CHKB: variants seen among roughly 807,000 people sequenced by gnomAD.
The protein encoded by CHKB is choline/ethanolamine kinase.
In CHKB, 45 loss-of-function variants were observed where a neutral mutation model predicts 57.3. The observed-to-expected ratio is 0.79, with a 90% confidence interval of 0.62 to 1.01. CHKB has a LOEUF of 1.01. Ranked by LOEUF, CHKB falls within the 50% of genes least tolerant of loss-of-function variation. CHKB has a pLI of 0.00. For synonymous variants in CHKB, 224 were observed against 201.8 expected (o/e 1.11, Z -0.93); for missense variants, 517 against 502.8 (o/e 1.03, Z -0.27).
Position 50,581,730 on chromosome 22 carries a change from G to A in CHKB, c.447+19C>T. 6.2e-7 allele frequency: 1 copy of A among 1,608,404 alleles called. No homozygotes were observed. The highest frequency in any genetic ancestry group is 8.5e-7 in the Non-Finnish European group (1 of 1,174,960). ...GGTGGAGGTGCCTTGGGGAGGAGAG[G>A]GTAGGACTGGGCCCGTACTGGGATG... is the stretch of plus-strand genomic sequence containing the variant. On this transcript the variant is annotated intron_variant, in intron 3 of 10. Coordinates refer to ENST00000406938, the MANE Select transcript of CHKB (RefSeq NM_005198.5).
chr22:50,579,900 G>C, intron 8 of CHKB, 70 bp from the exon 9 acceptor site: 1 of 1,595,620 alleles, frequency 6.3e-7, no homozygotes, highest in Admixed American at 1.7e-5. Flanking sequence ...ATCCTTTCCG[G>C]CCATTCCTTC....
intron 1 of CHKB, 80 bp from the exon 2 acceptor site, chr22:50,582,437 C>T: frequency 6.9e-7 from 1 of 1,448,062 alleles, no homozygotes; most frequent in African/African-American, 1.5e-5. Flanking sequence ...GCCAGGCCGG[C>T]CCCGCCCCGC....
chr22:50,581,893 G>C, intron 2 of CHKB, 31 bp from the exon 3 acceptor site: 2 of 1,590,864 alleles, frequency 1.3e-6, no homozygotes, highest in Non-Finnish European at 1.7e-6. Flanking sequence ...AAGGGGCCAA[G>C]GCAAAGTGGC....
At chr22:50,582,035 G>A (rs2070702218) in intron 2 of CHKB, 173 bp from the exon 3 acceptor site, 1 of 772,114 alleles carries the variant, frequency 1.3e-6, no homozygotes, top group Non-Finnish European at 2.3e-6. Flanking sequence ...TCACTATGTT[G>A]TCCAGGCTGG....
intron 3 of CHKB, 58 bp downstream of exon 3, chr22:50,581,691 G>A: frequency 6.3e-7 from 1 of 1,582,254 alleles, no homozygotes. Flanking sequence ...TTGGGCACTG[G>A]GGTAGGGTTA....
At position 50,579,117 on chromosome 22, in the gene CHKB, G is replaced by A. The variant is rs2070610578; in HGVS notation, c.*64C>T. On this transcript the variant is annotated 3_prime_UTR_variant, in exon 11 of 11. Coordinates refer to ENST00000406938, the MANE Select transcript of CHKB (RefSeq NM_005198.5). Reference sequence around the variant, plus strand: ...CAGTCGCCAGGGCCTTCTGCTCGTTGTTCCTCCCTCCAAGGTCCTGCCCTG... The same window carrying A: ...CAGTCGCCAGGGCCTTCTGCTCGTTATTCCTCCCTCCAAGGTCCTGCCCTG... 1 of 1,501,966 alleles carries A rather than the reference G, an allele frequency of 6.7e-7. No homozygotes were observed. Among genetic ancestry groups the A allele is most frequent in the Non-Finnish European group, 9.2e-7 (1 of 1,089,624 alleles). The allele number at this position is 1,501,966 out of a possible 1,614,324, so 93.0% of individuals were successfully genotyped here. A position where few individuals can be genotyped will look rare whatever the true frequency, so the allele number is the denominator to read the frequency against.
intron 7 of CHKB, 23 bp downstream of exon 7, chr22:50,580,167 G>A: frequency 1.9e-6 from 3 of 1,613,572 alleles, no homozygotes; most frequent in Non-Finnish European, 2.5e-6. Flanking sequence ...CAGATCTATG[G>A]GAAGCCATCT....
At chr22:50,579,387 A>C in intron 10 of CHKB, 39 bp downstream of exon 10, 1 of 1,598,102 alleles carries the variant, frequency 6.3e-7, no homozygotes, top group Non-Finnish European at 8.5e-7. Context: ...GCTGCTCCCC[A>C]GCCCCCCAGC....
Position 50,582,628 on chromosome 22 carries a change from A to G in CHKB, c.154T>C (p.Trp52Arg), listed in dbSNP as rs762788126. 6.2e-7 allele frequency: 1 copy of G among 1,611,438 alleles called. No individual in the cohort carries two copies. The change falls in exon 1 of 11, where the codon TGG becomes CGG. Residue 52 changes from tryptophan (W) to arginine (R), a missense_variant. Transcript: ENST00000406938. ...GCCCCGCCCAAGTACTCCCGGCACC[A>G]TTGGTAGGCTCGGCGCTCGGCGTCA... ...SRDAERRAYQ[W>R]CREYLGGAWR...
intron 2 of CHKB, 93 bp from the exon 3 acceptor site, chr22:50,581,955 G>A: frequency 2.7e-6 from 3 of 1,113,084 alleles, no homozygotes; most frequent in Non-Finnish European, 4.1e-6. Context: ...TGCGACTTCT[G>A]ATCCAATTGC....
At chr22:50,580,686 T>C in intron 4 of CHKB, 26 bp from the exon 5 acceptor site, 1 of 1,605,612 alleles carries the variant, frequency 6.2e-7, no homozygotes, top group South Asian at 1.1e-5. Context: ...TAGGATACAC[T>C]GGCTCTGCTA....
At chr22:50,582,460 C>G in intron 1 of CHKB, 98 bp downstream of exon 1, 1 of 1,472,030 alleles carries the variant, frequency 6.8e-7, no homozygotes, top group Non-Finnish European at 9.1e-7. Context: ...CAGGCGCGGG[C>G]GCAAGAGGGG....
At chr22:50,582,432 G>A in intron 1 of CHKB, 75 bp from the exon 2 acceptor site, 3 of 1,454,220 alleles carry the variant, frequency 2.1e-6, no homozygotes, top group East Asian at 2.8e-5. Context: ...TCCCGGCCAG[G>A]CCGGCCCCGC....
In CHKB at chr22:50,581,537, GTTT is replaced by G; in HGVS notation, c.461_463del (p.Lys154del). 1 of 1,613,968 alleles carries G rather than the reference GTTT, an allele frequency of 6.2e-7. No homozygotes were observed. The highest frequency in any genetic ancestry group is 8.5e-7 in the Non-Finnish European group (1 of 1,180,020). On this transcript the variant is annotated inframe_deletion, in exon 4 of 11. Coordinates refer to ENST00000406938, the MANE Select transcript of CHKB (RefSeq NM_005198.5). ...CAACACTGGCTCTCGAAGCTCTTGA[GTTT>G]TCAATGGCCGACTCTGCACCCAGGA... is the stretch of plus-strand genomic sequence containing the variant.
rs762990645 is a variant in CHKB at position 50,582,697 on chromosome 22, G to C, written c.85C>G (p.Pro29Ala). ...AKDGLQQSKC[P>A]DTTPKRRRAS... is the part of the protein sequence containing the mutation. ...CGCCGCCGTTTTGGGGTAGTGTCCG[G>C]GCACTTAGACTGCTGCAAGCCGTCT... Residue 29 changes from proline (P) to alanine (A), a missense_variant, in exon 1 of 11, where the codon CCG becomes GCG. Transcript: ENST00000406938. 2 of 1,610,240 alleles carry C rather than the reference G, an allele frequency of 1.2e-6. No homozygotes were observed. The highest frequency in any genetic ancestry group is 2.2e-5 in the South Asian group (2 of 90,846).
chr22:50,581,588 C>T, intron 3 of CHKB, 35 bp from the exon 4 acceptor site: 10 of 1,613,476 alleles, frequency 6.2e-6, no homozygotes, highest in Non-Finnish European at 8.5e-6. Context: ...GGTGATGGGG[C>T]TGGGGCAGGA....
At chr22:50,580,932 G>A (rs2070679282) in intron 4 of CHKB, among the ~76,000 whole-genome samples, 1 of 151,762 alleles carries the variant, frequency 6.6e-6, no homozygotes, top group Admixed American at 6.6e-5. Flanking sequence ...GGTGCATGCT[G>A]CCATGCCTGG....
chr22:50,582,841 G>C lies in CHKB; in HGVS notation c.-60C>G. The stretch of plus-strand genomic sequence containing the variant: ...GCTCCGCTCCCTTCGGACGGGCTCG[G>C]TTCCTTCCGGCCGCGCTCGGCTCCT... On this transcript the variant is annotated 5_prime_UTR_variant, in exon 1 of 11. Transcript: ENST00000406938. 7.8e-7 allele frequency: 1 copy of C among 1,287,440 alleles called. No individual in the cohort carries two copies. The highest frequency in any genetic ancestry group is 1.0e-6 in the Non-Finnish European group (1 of 986,570). The allele number at this position is 1,287,440 out of a possible 1,614,324, so 79.8% of individuals were successfully genotyped here.
At chr22:50,580,490 G>A in intron 5 of CHKB, 74 bp from the exon 6 acceptor site, 7 of 1,609,546 alleles carry the variant, frequency 4.3e-6, no homozygotes, top group Non-Finnish European at 5.1e-6. Flanking sequence ...AACAGGCCAG[G>A]CCCTGACACC....
Sources: gnomAD v4.1 joint callset for allele counts (sites outside exome capture counted in the v4.1 genomes callset) on GRCh38, gnomAD v4.1.1 for gene constraint, MANE v1.5 for transcripts, NCBI Gene and HGNC (gene_info 2026-07-23, HGNC 2026-07-21) for gene names.